The following GLB1 variants were observed in gnomAD, a reference collection of about 807,000 sequenced individuals.
The protein encoded by GLB1 is beta-galactosidase.
A neutral mutation model predicts 74.0 loss-of-function variants in GLB1; 56 were observed. The observed-to-expected ratio is 0.76, with a 90% CI of 0.61 to 0.94. The LOEUF is 0.94. GLB1 is among the 40% of genes least tolerant of loss of function. The probability of loss-of-function intolerance (pLI) is 0.00; values close to 1 mark genes in which losing one functional copy is unlikely to be tolerated. For synonymous variants in GLB1, 323 were observed against 323.6 expected (o/e 1.00, Z 0.02); for missense variants, 787 against 845.5 (o/e 0.93, Z 0.86).
chr3:33,059,244 T>TACACACACACACAC (rs55785242), intron 5 of GLB1, among the ~76,000 whole-genome samples: 1 of 144,354 alleles, frequency 6.9e-6, no homozygotes, highest in Non-Finnish European at 1.5e-5. Flanking sequence ...ATATAAAACA[T>TACACACACACACAC]ACACACACAC....
rs755578948 is a variant in GLB1 at position 33,097,071 on chromosome 3, C to G, written c.15G>C (p.Leu5=). ...CCAGCAACAGAGGGAGGATGCGAAC[C>G]AGGAACCCCGGCATGACCACCAGCC... MPGF[L]VRILPLLLVL... Residue 5 remains leucine, a synonymous_variant, in exon 1 of 16, where the codon CTG becomes CTC. Transcript: ENST00000307363. The G allele has an allele frequency of 6.2e-7, 1 of 1,612,658 alleles. No homozygotes were observed. The highest frequency in any genetic ancestry group is 1.7e-5 in the Admixed American group (1 of 59,894).
chr3:32,996,773 T>C lies in GLB1; in HGVS notation c.*272A>G. ...TTTAACAAAAAGGTAACATGATTCT[T>C]CCAAAATAAAAATCACTACCACCTT... On this transcript the variant is annotated 3_prime_UTR_variant, in exon 16 of 16. Transcript: ENST00000307363. The C allele has an allele frequency of 2.1e-6, 1 of 482,776 alleles. No individual in the cohort carries two copies. Among genetic ancestry groups the C allele is most frequent in the Non-Finnish European group, 3.7e-6 (1 of 269,578 alleles). 29.9% of individuals were successfully genotyped at this position (482,776 alleles called of 1,614,324 possible). A position where few individuals can be genotyped will look rare whatever the true frequency, so the allele number is the denominator to read the frequency against.
At chr3:33,086,860 C>G (rs1272698100) in intron 1 of GLB1, among the ~76,000 whole-genome samples, 1 of 150,882 alleles carries the variant, frequency 6.6e-6, no homozygotes, top group African/African-American at 2.4e-5. Flanking sequence ...TTTTTAGATC[C>G]TGTTTCAAAC....
In GLB1 at chr3:33,093,893, A is replaced by G; in HGVS notation, c.75+3118T>C. ...CTTCGGCCACTAAAAAGAACATGGT[A>G]AAGAAACTGGAATGGGCCAGGGCCA... On this transcript the variant is annotated intron_variant, in intron 1 of 15. Coordinates refer to ENST00000307363, the MANE Select transcript of GLB1 (RefSeq NM_000404.4). This position sits in a 1 kb window ranked among gnomAD's most constrained non-coding sequence, Gnocchi z 6.0. 3 of 1,613,940 alleles carry G rather than the reference A, an allele frequency of 1.9e-6. No homozygotes were observed. Among genetic ancestry groups the G allele is most frequent in the East Asian group, 2.2e-5 (1 of 44,880 alleles).
Position 33,056,214 on chromosome 3 carries a change from C to T in GLB1, c.733+1875G>A, listed in dbSNP as rs553208539. The stretch of plus-strand genomic sequence containing the variant: ...TGCACTCCAGCCTGGGCAACAAGAG[C>T]GAAACTCCACCTCAAAAAAAAAAAA... On this transcript the variant is annotated intron_variant, in intron 6 of 15. Coordinates refer to ENST00000307363, the MANE Select transcript of GLB1 (RefSeq NM_000404.4). 1.6e-4 allele frequency among the ~76,000 whole-genome samples: 16 copies of T among 102,048 alleles called. No homozygotes were observed. In the South Asian group the frequency reaches 1.7e-3, roughly 11 times the overall value. 66.9% of individuals were successfully genotyped at this position (102,048 alleles called of 152,430 possible).
intron 9 of GLB1, 138 bp downstream of exon 9, chr3:33,051,620 G>C (rs202048465): frequency 1.1e-6 from 1 of 944,376 alleles, no homozygotes. Context: ...AAAAAAAAAA[G>C]AAAAAGAAAA....
At chr3:33,005,541 AC>A (rs1696750378) in intron 15 of GLB1, among the ~76,000 whole-genome samples, 1 of 152,164 alleles carries the variant, frequency 6.6e-6, no homozygotes, top group Non-Finnish European at 1.5e-5. Flanking sequence ...TAAAAGTTTT[AC>A]ATACTCTTTT....
intron 1 of GLB1, among the ~76,000 whole-genome samples, chr3:33,074,756 G>C (rs1489083235): frequency 6.6e-6 from 1 of 152,150 alleles, no homozygotes. Flanking sequence ...TGCATCTTTA[G>C]GCTTTCAAAG....
At chr3:33,070,651 A>T (rs1054144855) in intron 2 of GLB1, among the ~76,000 whole-genome samples, 3 of 152,304 alleles carry the variant, frequency 2.0e-5, no homozygotes, top group African/African-American at 7.2e-5. Flanking sequence ...GAAGACCACC[A>T]TGGGAAACAT....
At chr3:32,965,436 G>C in the GLB1 span, among the ~76,000 whole-genome samples, 1,942 of 152,206 alleles carry the variant, frequency 0.013, 92 homozygotes, top group East Asian at 0.14. Flanking sequence ...TTTGCTCCTG[G>C]CCTAGAGATC....
intron 6 of GLB1, 64 bp downstream of exon 6, chr3:33,058,025 C>T: frequency 6.2e-7 from 1 of 1,601,412 alleles, no homozygotes; most frequent in South Asian, 1.1e-5. Context: ...AACAGCTGCC[C>T]AGAGCAACTG....
intron 15 of GLB1, among the ~76,000 whole-genome samples, chr3:33,008,804 G>T (rs1243440048): frequency 6.6e-6 from 1 of 152,162 alleles, no homozygotes; most frequent in Non-Finnish European, 1.5e-5. Flanking sequence ...CAAGGGGGCA[G>T]GTGGACTGAT....
At chr3:33,027,905 TC>T (rs1402800446) in intron 10 of GLB1, among the ~76,000 whole-genome samples, 1 of 152,192 alleles carries the variant, frequency 6.6e-6, no homozygotes, top group East Asian at 1.9e-4. Context: ...TTAAAAATTA[TC>T]ATTTTTTATT....
At chr3:33,046,751 AC>A (rs1489538620) in intron 9 of GLB1, among the ~76,000 whole-genome samples, 1 of 152,120 alleles carries the variant, frequency 6.6e-6, no homozygotes, top group Non-Finnish European at 1.5e-5. Flanking sequence ...ATGACAGCAG[AC>A]CCACATCAGC....
rs969722633 is a variant in GLB1, at chr3:33,096,668, C to T, written c.75+343G>A. On this transcript the variant is annotated intron_variant, in intron 1 of 15. Coordinates refer to ENST00000307363, the MANE Select transcript of GLB1 (RefSeq NM_000404.4). The stretch of plus-strand genomic sequence containing the variant: ...AGCCGGAGGCACCCTCTAACCCGCG[C>T]AACTTGGAATCCCCTCCCGGAAAGC... The T allele has an allele frequency of 1.9e-5, 22 of 1,132,960 alleles. No individual in the cohort carries two copies. The African/African-American group carries it at 3.5e-4, about 18-fold the overall frequency. 70.2% of individuals were successfully genotyped at this position (1,132,960 alleles called of 1,614,324 possible).
At chr3:33,029,104 T>C (rs546453872) in intron 10 of GLB1, among the ~76,000 whole-genome samples, 1 of 152,366 alleles carries the variant, frequency 6.6e-6, no homozygotes, top group East Asian at 1.9e-4. Flanking sequence ...ATGATTTTCA[T>C]TGATACTAGT....
At chr3:33,067,002 CT>C (rs63579460) in intron 4 of GLB1, among the ~76,000 whole-genome samples, 50 of 135,434 alleles carry the variant, frequency 3.7e-4, no homozygotes, top group African/African-American at 6.0e-4. Context: ...GTTTTTATTT[CT>C]TTTTTTTTTT....
At chr3:33,084,982 T>C (rs1056733510) in intron 1 of GLB1, among the ~76,000 whole-genome samples, 1 of 152,044 alleles carries the variant, frequency 6.6e-6, no homozygotes, top group African/African-American at 2.4e-5. Flanking sequence ...TTTTTCAGTG[T>C]AAAAGAGAAA....
chr3:33,080,764 T>A (rs1360576326), intron 1 of GLB1, among the ~76,000 whole-genome samples: 1 of 152,230 alleles, frequency 6.6e-6, no homozygotes, highest in East Asian at 1.9e-4. Context: ...CTTGCTCCTA[T>A]GCTCTTGGAT....
Sources: gnomAD v4.1 joint callset for allele counts (sites outside exome capture counted in the v4.1 genomes callset) on GRCh38, gnomAD v4.1.1 for gene constraint, Gnocchi (gnomAD v3.1) non-coding constraint, MANE v1.5 for transcripts, NCBI Gene and HGNC (gene_info 2026-07-23, HGNC 2026-07-21) for gene names.